The following CNTN5 variants were observed in gnomAD, a reference collection of about 807,000 sequenced individuals.
The protein encoded by CNTN5 is contactin 5.
A neutral mutation model predicts 129.1 loss-of-function variants in CNTN5; 77 were observed. The ratio of observed to expected loss-of-function variants is 0.60; its 90% CI spans 0.50 to 0.72. The LOEUF (loss-of-function observed/expected upper bound fraction) is 0.72, where lower values mean the gene tolerates loss of function less well. Ranked by LOEUF, CNTN5 falls within the 30% of genes least tolerant of loss-of-function variation. The pLI is 0.00. For synonymous variants in CNTN5, 509 were observed against 465.6 expected, an observed-to-expected ratio of 1.09 and a Z score of -1.20; for missense variants, 1,478 against 1,328.8, an observed-to-expected ratio of 1.11 and a Z score of -1.75.
chr11:100,007,500 T>C (rs1330221880), intron 9 of CNTN5, among the ~76,000 whole-genome samples: 1 of 152,130 alleles, frequency 6.6e-6, no homozygotes, highest in African/African-American at 2.4e-5. Context: ...ACTTGCTACT[T>C]CACCTTCCAC....
intron 3 of CNTN5, among the ~76,000 whole-genome samples, chr11:99,672,104 C>T (rs988481000): frequency 2.0e-5 from 3 of 152,148 alleles, no homozygotes; most frequent in Non-Finnish European, 4.4e-5. Context: ...CAGCCTCTTT[C>T]GTATTCTTAT....
chr11:100,135,552 A>G (rs1276055490), intron 13 of CNTN5, among the ~76,000 whole-genome samples: 1 of 152,068 alleles, frequency 6.6e-6, no homozygotes, highest in Non-Finnish European at 1.5e-5. Flanking sequence ...AATTGTGAGA[A>G]CTAGGTTAGA....
At chr11:99,901,993 G>C (rs996520732) in intron 6 of CNTN5, among the ~76,000 whole-genome samples, 2 of 152,110 alleles carry the variant, frequency 1.3e-5, no homozygotes, top group African/African-American at 2.4e-5. Context: ...TTTATCTAAG[G>C]TTACATGGTT....
chr11:100,199,460 C>T (rs1948723406), intron 15 of CNTN5, among the ~76,000 whole-genome samples: 1 of 151,938 alleles, frequency 6.6e-6, no homozygotes, highest in South Asian at 2.1e-4. Flanking sequence ...TTACTGTTCC[C>T]TCCCAATCTT....
At chr11:100,111,754 T>G (rs1945664629) in intron 13 of CNTN5, among the ~76,000 whole-genome samples, 1 of 152,178 alleles carries the variant, frequency 6.6e-6, no homozygotes, top group Non-Finnish European at 1.5e-5. Context: ...TCATTCATCT[T>G]AACCGAAATT....
intron 2 of CNTN5, among the ~76,000 whole-genome samples, chr11:99,352,514 T>C (rs1938367398): frequency 6.6e-6 from 1 of 152,222 alleles, no homozygotes. Context: ...AAAATTTTCT[T>C]TTCTTTTTTT....
intron 2 of CNTN5, among the ~76,000 whole-genome samples, chr11:99,350,845 T>G (rs1161719327): frequency 6.6e-6 from 1 of 152,070 alleles, no homozygotes; most frequent in East Asian, 1.9e-4. Flanking sequence ...ATGATAATTT[T>G]CTGTAGTGGG....
intron 1 of CNTN5, among the ~76,000 whole-genome samples, chr11:99,190,412 A>AT (rs953139784): frequency 1.3e-5 from 2 of 151,488 alleles, no homozygotes; most frequent in Non-Finnish European, 3.0e-5. Context: ...AAACTGTAAG[A>AT]TTTTTTTCTA....
intron 3 of CNTN5, among the ~76,000 whole-genome samples, chr11:99,668,489 A>G (rs1952892572): frequency 6.6e-6 from 1 of 152,174 alleles, no homozygotes; most frequent in Admixed American, 6.6e-5. Flanking sequence ...ACCACAGCTT[A>G]AGAAACTCAA....
intron 9 of CNTN5, among the ~76,000 whole-genome samples, chr11:100,042,980 A>G (rs1055952705): frequency 6.6e-6 from 1 of 152,190 alleles, no homozygotes; most frequent in Non-Finnish European, 1.5e-5. Context: ...CTTTCCATCA[A>G]AACTGACATC....
At chr11:99,469,950 T>C (rs112350602) in intron 2 of CNTN5, among the ~76,000 whole-genome samples, 1,842 of 152,286 alleles carry the variant, frequency 0.012, 37 homozygotes, top group African/African-American at 0.042. Context: ...GTCAGTCATA[T>C]ACTAGGCATT....
chr11:99,943,369 T>G (rs1351502075), intron 7 of CNTN5, among the ~76,000 whole-genome samples: 2 of 152,144 alleles, frequency 1.3e-5, no homozygotes, highest in African/African-American at 4.8e-5. Flanking sequence ...CCTTGCCCAC[T>G]TTTTGATGGG....
intron 21 of CNTN5, among the ~76,000 whole-genome samples, chr11:100,314,840 A>C (rs149119647): frequency 2.1e-3 from 314 of 152,128 alleles, no homozygotes; most frequent in African/African-American, 7.3e-3. Flanking sequence ...TTCTGACCCT[A>C]AGTTGGCAGT....
intron 7 of CNTN5, among the ~76,000 whole-genome samples, chr11:99,945,710 T>G (rs2136128482): frequency 6.6e-6 from 1 of 152,194 alleles, no homozygotes; most frequent in East Asian, 1.9e-4. Flanking sequence ...TGCTAGGTGA[T>G]GGTGCAAATA....
At chr11:100,221,239 CCTATGT>C (rs1255611855) in intron 15 of CNTN5, among the ~76,000 whole-genome samples, 22 of 152,114 alleles carry the variant, frequency 1.4e-4, no homozygotes, top group Admixed American at 8.5e-4. Flanking sequence ...GGGAAGTATG[CCTATGT>C]CTAGGTGAAT....
chr11:99,587,270 T>C (rs570884991), intron 3 of CNTN5, among the ~76,000 whole-genome samples: 85 of 152,292 alleles, frequency 5.6e-4, no homozygotes, highest in African/African-American at 1.9e-3. Flanking sequence ...GAATAGAACA[T>C]GGAAACAAAG....
chr11:99,189,058 G>C (rs1440596413), intron 1 of CNTN5, among the ~76,000 whole-genome samples: 1 of 151,394 alleles, frequency 6.6e-6, no homozygotes, highest in Non-Finnish European at 1.5e-5. Flanking sequence ...ACTTTTGTAG[G>C]TTCCACACAT....
At chr11:99,161,588 AG>A (rs1377081796) in intron 1 of CNTN5, among the ~76,000 whole-genome samples, 1 of 152,204 alleles carries the variant, frequency 6.6e-6, no homozygotes, top group East Asian at 1.9e-4. Context: ...AAATGAGACC[AG>A]CTTCCTGATG....
chr11:99,302,092 G>T (rs2135947191), intron 1 of CNTN5, among the ~76,000 whole-genome samples: 1 of 151,562 alleles, frequency 6.6e-6, no homozygotes, highest in African/African-American at 2.4e-5. Context: ...TTTGTAGAGA[G>T]AAATTCATAG....
Sources: allele counts gnomAD v4.1 joint callset (sites outside exome capture counted in the v4.1 genomes callset), GRCh38; gene constraint gnomAD v4.1.1; transcripts MANE v1.5; gene names NCBI Gene and HGNC (gene_info 2026-07-23, HGNC 2026-07-21).